Variants in CPNE4 observed in about 807,000 individuals in gnomAD.
CPNE4 encodes copine-4.
A neutral mutation model predicts 67.9 loss-of-function variants in CPNE4; 25 were observed. That is an observed-to-expected ratio of 0.37 (90% CI 0.27 to 0.51). The LOEUF (loss-of-function observed/expected upper bound fraction) is 0.51. Ranked by LOEUF, CPNE4 falls within the 20% of genes least tolerant of loss-of-function variation. The pLI is 0.93. For synonymous variants in CPNE4, 242 were observed against 244.9 expected, an observed-to-expected ratio of 0.99 and a Z score of 0.11; for missense variants, 464 against 690.8, an observed-to-expected ratio of 0.67 and a Z score of 3.68.
At chr3:131,606,578 A>G (rs1317125154) in intron 7 of CPNE4, among the ~76,000 whole-genome samples, 3 of 152,182 alleles carry the variant, frequency 2.0e-5, no homozygotes, top group Admixed American at 2.0e-4. Context: ...TCTAGTGTCC[A>G]CGACATTTCT....
intron 11 of CPNE4, among the ~76,000 whole-genome samples, chr3:131,558,855 C>CT (rs772079177): frequency 0.015 from 2,153 of 147,360 alleles, 53 homozygotes; most frequent in African/African-American, 0.048. Flanking sequence ...GAGGACATGG[C>CT]TTTTTTTTTT....
chr3:131,984,536 C>G (rs2107641231), intron 1 of CPNE4, among the ~76,000 whole-genome samples: 1 of 152,252 alleles, frequency 6.6e-6, no homozygotes, highest in South Asian at 2.1e-4. Flanking sequence ...CATGAAAACC[C>G]TCCCATATAT....
At chr3:131,707,256 G>C (rs2081436102) in intron 3 of CPNE4, among the ~76,000 whole-genome samples, 1 of 152,168 alleles carries the variant, frequency 6.6e-6, no homozygotes, top group African/African-American at 2.4e-5. Flanking sequence ...AGAGGCTTTA[G>C]GGGAGATTCT....
At chr3:131,811,387 T>G (rs2084521401) in intron 2 of CPNE4, among the ~76,000 whole-genome samples, 1 of 152,086 alleles carries the variant, frequency 6.6e-6, no homozygotes, top group South Asian at 2.1e-4. Flanking sequence ...TTAAAAAATA[T>G]ATATATATAA....
chr3:131,603,527 A>T (rs1313796701), intron 7 of CPNE4, among the ~76,000 whole-genome samples: 1 of 152,182 alleles, frequency 6.6e-6, no homozygotes, highest in Non-Finnish European at 1.5e-5. Context: ...GAGTATCAGT[A>T]GGAAGTGATA....
intron 7 of CPNE4, among the ~76,000 whole-genome samples, chr3:131,640,294 A>C (rs1340428130): frequency 1.3e-5 from 2 of 152,194 alleles, no homozygotes; most frequent in East Asian, 1.9e-4. Flanking sequence ...CAGAACTGGT[A>C]AATGAATTTG....
At chr3:131,767,863 C>G (rs539074730) in intron 2 of CPNE4, among the ~76,000 whole-genome samples, 1 of 152,146 alleles carries the variant, frequency 6.6e-6, no homozygotes, top group East Asian at 1.9e-4. Flanking sequence ...CCTTACCACA[C>G]AGAGCCTACA....
rs1168412024 is a variant in CPNE4, at chr3:131,723,530, C to G, written c.276G>C (p.Arg92=). The G allele has an allele frequency of 6.2e-7, 1 of 1,614,040 alleles. No individual in the cohort carries two copies. Among genetic ancestry groups the G allele is most frequent in the Admixed American group, 1.7e-5 (1 of 60,018 alleles). The change falls in exon 3 of 16, where the codon CGG becomes CGC. Residue 92 remains arginine, a synonymous_variant. Coordinates refer to ENST00000429747, the MANE Select transcript of CPNE4 (RefSeq NM_130808.3). ...DFYFEEVQRL[R]FEVHDISSNH... ...TGCTGCTGATGTCATGGACTTCAAA[C>G]CGCAGGCGCTGCACCTCCTCAAAGT...
In CPNE4 at chr3:131,906,166, G is replaced by A. The variant is rs568315472; in HGVS notation, c.-1-722C>T. 2.6e-5 allele frequency among the ~76,000 whole-genome samples: 4 copies of A among 151,168 alleles called. No individual in the cohort carries two copies. The East Asian group carries it at 5.8e-4, about 22-fold the overall frequency. ...TACATTTAAGCACTGCAGGCCCCCT[G>A]CCCATTTCCATGTGATATCCTTTAT... On this transcript the variant is annotated intron_variant, in intron 1 of 15. Transcript: ENST00000429747.
At chr3:131,805,745 A>G (rs2084285289) in intron 2 of CPNE4, among the ~76,000 whole-genome samples, 1 of 152,196 alleles carries the variant, frequency 6.6e-6, no homozygotes, top group Non-Finnish European at 1.5e-5. Context: ...GTTCTAAGAC[A>G]GATCTAGGGA....
intron 2 of CPNE4, among the ~76,000 whole-genome samples, chr3:131,746,430 C>A (rs1192658966): frequency 6.6e-6 from 1 of 152,058 alleles, no homozygotes; most frequent in African/African-American, 2.4e-5. Flanking sequence ...CCTTCTCTCC[C>A]CTCTTCTCCC....
chr3:131,703,217 C>A (rs967691382), intron 3 of CPNE4, among the ~76,000 whole-genome samples: 1 of 152,214 alleles, frequency 6.6e-6, no homozygotes, highest in African/African-American at 2.4e-5. Flanking sequence ...GTCAGAGTCA[C>A]AAGGACTCTC....
At chr3:131,728,857 C>T (rs1176056837) in intron 2 of CPNE4, among the ~76,000 whole-genome samples, 1 of 125,492 alleles carries the variant, frequency 8.0e-6, no homozygotes. Context: ...TTGCAGTGAA[C>T]AGAGATCAGG....
chr3:131,882,193 C>T (rs2087698893), intron 2 of CPNE4, among the ~76,000 whole-genome samples: 1 of 151,834 alleles, frequency 6.6e-6, no homozygotes, highest in Non-Finnish European at 1.5e-5. Context: ...CTCACACATA[C>T]TGTATAATAT....
At chr3:131,796,307 G>T (rs2083916895) in intron 2 of CPNE4, among the ~76,000 whole-genome samples, 1 of 152,122 alleles carries the variant, frequency 6.6e-6, no homozygotes, top group African/African-American at 2.4e-5. Flanking sequence ...GGGTTAGTTT[G>T]GTCACTACCG....
chr3:131,959,462 A>G (rs1334466775), intron 1 of CPNE4, among the ~76,000 whole-genome samples: 1 of 152,186 alleles, frequency 6.6e-6, no homozygotes, highest in Admixed American at 6.5e-5. Flanking sequence ...AGAAAAGATT[A>G]TCACTCACCC....
intron 2 of CPNE4, among the ~76,000 whole-genome samples, chr3:131,818,262 A>G (rs2084825449): frequency 6.6e-6 from 1 of 152,220 alleles, no homozygotes; most frequent in Non-Finnish European, 1.5e-5. Flanking sequence ...TAGGAGCAGC[A>G]GGAGTTGCAA....
rs574079287 is a variant in CPNE4 at position 131,980,060 on chromosome 3, A to G, written c.-2+54507T>C. On this transcript the variant is annotated intron_variant, in intron 1 of 15. Coordinates refer to ENST00000429747, the MANE Select transcript of CPNE4 (RefSeq NM_130808.3). The stretch of plus-strand genomic sequence containing the variant: ...TGGCTTGTATGGTTTCTGCTGAGAA[A>G]TTTGCTGTTAATCTGAAAGGTTTTC... Among the ~76,000 whole-genome samples the G allele has an allele frequency of 6.6e-5, 10 of 152,248 alleles. No homozygotes were observed. The South Asian group carries it at 1.9e-3, about 28-fold the overall frequency.
chr3:131,637,454 AAC>A (rs775630100), intron 7 of CPNE4, among the ~76,000 whole-genome samples: 1 of 152,236 alleles, frequency 6.6e-6, no homozygotes, highest in Admixed American at 6.5e-5. Context: ...TCAGAGCTCA[AAC>A]ACAAGACTTT....
Sources: allele counts gnomAD v4.1 joint callset (sites outside exome capture counted in the v4.1 genomes callset), GRCh38; gene constraint gnomAD v4.1.1; transcripts MANE v1.5; gene names NCBI Gene and HGNC (gene_info 2026-07-23, HGNC 2026-07-21).